Variants in DNAI1 observed in about 807,000 individuals in gnomAD.
DNAI1 encodes the protein dynein, axonemal, intermediate polypeptide 1.
In DNAI1, 67 loss-of-function variants were observed where a neutral mutation model predicts 92.0. The observed-to-expected ratio is 0.73, with a 90% CI of 0.60 to 0.89. The LOEUF is 0.89. DNAI1 is among the 40% of genes least tolerant of loss of function. The pLI, the probability that DNAI1 is intolerant of heterozygous loss-of-function variation, is 0.00. For synonymous variants in DNAI1, 323 were observed against 319.6 expected (o/e 1.01, Z -0.11); for missense variants, 839 against 866.6 (o/e 0.97, Z 0.40).
chr9:34,481,032 G>A (rs1223811054), intron 1 of DNAI1, among the ~76,000 whole-genome samples: 1 of 152,170 alleles, frequency 6.6e-6, no homozygotes, highest in African/African-American at 2.4e-5. Context: ...ACTGAGGTCA[G>A]GAGTTCAATA....
chr9:34,471,341 C>T (rs565493076), intron 1 of DNAI1, among the ~76,000 whole-genome samples: 2 of 151,508 alleles, frequency 1.3e-5, no homozygotes, highest in Non-Finnish European at 2.9e-5. Context: ...GGGAGGGTCG[C>T]TTAAGCCCAT....
At chr9:34,520,583 C>T in intron 19 of DNAI1, 75 bp from the exon 20 acceptor site, 2 of 1,356,460 alleles carry the variant, frequency 1.5e-6, no homozygotes, top group East Asian at 2.5e-5. Flanking sequence ...ACAGGCTGGG[C>T]AGAGGAGGTG....
In DNAI1 at chr9:34,517,979, C is replaced by G. The variant is rs1380780433; in HGVS notation, c.2001+512C>G. Among the ~76,000 whole-genome samples, 4 of 152,342 alleles carry G rather than the reference C, an allele frequency of 2.6e-5. No homozygotes were observed. The South Asian group carries it at 8.3e-4, about 32-fold the overall frequency. On this transcript the variant is annotated intron_variant, in intron 19 of 19. Coordinates refer to ENST00000242317, the MANE Select transcript of DNAI1 (RefSeq NM_012144.4). ...TCCTTCTGAGCTCTGGTTCCTGTTT[C>G]TAGGGTCTCCAATGATCAGGAGACC...
At chr9:34,517,219 T>C in intron 18 of DNAI1, 66 bp from the exon 19 acceptor site, 2 of 1,556,644 alleles carry the variant, frequency 1.3e-6, no homozygotes, top group Non-Finnish European at 1.8e-6. Context: ...GTCCAGGGAC[T>C]CATTCCTCTG....
At position 34,485,258 on chromosome 9, in the gene DNAI1, T is replaced by G. The variant is rs1219083866; in HGVS notation, c.180+18T>G. On this transcript the variant is annotated intron_variant, in intron 3 of 19. Transcript: ENST00000242317. ...CCGATGCGGTGAGTGAGTAGCCTCT[T>G]GTTCTTGCTCCTTGTACCTCTTCCA... 2.5e-6 allele frequency: 4 copies of G among 1,614,000 alleles called. No individual in the cohort carries two copies. The highest frequency in any genetic ancestry group is 1.3e-5 in the African/African-American group (1 of 75,042).
At chr9:34,514,226 C>A (rs1263742754) in intron 16 of DNAI1, among the ~76,000 whole-genome samples, 168 bp from the exon 17 acceptor site, 1 of 152,178 alleles carries the variant, frequency 6.6e-6, no homozygotes, top group African/African-American at 2.4e-5. Flanking sequence ...TCCTTTCCCC[C>A]AGGGTGTGCT....
chr9:34,466,069 C>G (rs981183396), intron 1 of DNAI1, among the ~76,000 whole-genome samples: 1 of 152,148 alleles, frequency 6.6e-6, no homozygotes, highest in Non-Finnish European at 1.5e-5. Flanking sequence ...ATCCGAGGAC[C>G]TGGCACATAG....
intron 1 of DNAI1, among the ~76,000 whole-genome samples, chr9:34,482,625 G>C (rs1387711244): frequency 2.6e-5 from 4 of 152,150 alleles, no homozygotes; most frequent in Non-Finnish European, 5.9e-5. Context: ...GGTGCTGATT[G>C]GTGTATTTAC....
In DNAI1 at chr9:34,513,121, C is replaced by T. The variant is rs1392871860; in HGVS notation, c.1499C>T (p.Thr500Ile). The T allele has an allele frequency of 1.2e-6, 2 of 1,614,096 alleles. No individual in the cohort carries two copies. ...GLQLHPVGCGTAFDFHKEIDY... is the reference protein window; with the variant it reads ...GLQLHPVGCGIAFDFHKEIDY... ...TCCCTCTTTTCCCAAGGTTGTGGCACTGCCTTTGACTTCCACAAAGAGATT... is the reference window on the plus strand; with the variant it reads ...TCCCTCTTTTCCCAAGGTTGTGGCATTGCCTTTGACTTCCACAAAGAGATT... Residue 500 changes from threonine (T) to isoleucine (I), a missense_variant, in exon 16 of 20, where the codon ACT becomes ATT. Coordinates refer to ENST00000242317, the MANE Select transcript of DNAI1 (RefSeq NM_012144.4).
chr9:34,481,930 G>C (rs1016640214), intron 1 of DNAI1, among the ~76,000 whole-genome samples: 2 of 152,156 alleles, frequency 1.3e-5, no homozygotes, highest in African/African-American at 2.4e-5. Flanking sequence ...ATGCTGGCTC[G>C]GGCAGCCTGC....
intron 1 of DNAI1, among the ~76,000 whole-genome samples, chr9:34,466,778 C>A (rs181536265): frequency 4.5e-4 from 68 of 152,328 alleles, no homozygotes; most frequent in Admixed American, 1.5e-3. Context: ...CTCTTAACAA[C>A]TATGTTTCAT....
chr9:34,461,033 G>T (rs1823942969), intron 1 of DNAI1, among the ~76,000 whole-genome samples: 1 of 152,160 alleles, frequency 6.6e-6, no homozygotes, highest in African/African-American at 2.4e-5. Context: ...GGTAGAGACA[G>T]GGTTTCACTG....
chr9:34,463,631 C>T (rs777937788), intron 1 of DNAI1, among the ~76,000 whole-genome samples: 9 of 152,012 alleles, frequency 5.9e-5, no homozygotes, highest in Admixed American at 2.0e-4. Flanking sequence ...TAGTTTATGA[C>T]TAACAAATTT....
chr9:34,520,742 A>G lies in DNAI1; in HGVS notation c.2086A>G (p.Lys696Glu). 6.4e-7 allele frequency: 1 copy of G among 1,551,660 alleles called. No individual in the cohort carries two copies. Among genetic ancestry groups the G allele is most frequent in the Non-Finnish European group, 8.7e-7 (1 of 1,146,958 alleles). ...ACTGCTGAACCTGGTGAGGGAAGTG[A>G]AAATCAAGACCTGAGGGGCTGGCCT... is the stretch of plus-strand genomic sequence containing the variant. ...DKLLNLVREV[K>E]IKT The change falls in exon 20 of 20, where the codon AAA becomes GAA. Residue 696 changes from lysine (K) to glutamate (E), a missense_variant. Lys to Glu is a moderately conservative substitution (Grantham distance 56, BLOSUM62 1). Coordinates refer to ENST00000242317, the MANE Select transcript of DNAI1 (RefSeq NM_012144.4).
intron 18 of DNAI1, among the ~76,000 whole-genome samples, chr9:34,516,683 G>T (rs1825175360): frequency 6.6e-6 from 1 of 152,010 alleles, no homozygotes. Flanking sequence ...TGATGTGCTT[G>T]CCCAGAGTCT....
intron 1 of DNAI1, among the ~76,000 whole-genome samples, chr9:34,467,850 A>G (rs1016113126): frequency 2.6e-5 from 4 of 152,162 alleles, no homozygotes; most frequent in African/African-American, 4.8e-5. Flanking sequence ...AAAACACTCA[A>G]CGTGAGTCAC....
intron 1 of DNAI1, among the ~76,000 whole-genome samples, chr9:34,472,430 A>G (rs965714303): frequency 4.6e-5 from 7 of 152,284 alleles, no homozygotes; most frequent in African/African-American, 1.7e-4. Context: ...GAAGGGTCCT[A>G]TATAATTGGC....
intron 13 of DNAI1, among the ~76,000 whole-genome samples, chr9:34,509,801 T>C (rs1402398390): frequency 1.3e-5 from 2 of 151,558 alleles, no homozygotes; most frequent in Non-Finnish European, 2.9e-5. Context: ...TTTGAGGTGC[T>C]TAGTAGGCCA....
At chr9:34,474,162 T>TA (rs1456103507) in intron 1 of DNAI1, among the ~76,000 whole-genome samples, 2 of 152,212 alleles carry the variant, frequency 1.3e-5, no homozygotes, top group African/African-American at 4.8e-5. Context: ...TTTTCCATTT[T>TA]AAAAAATCAC....
Sources: gnomAD v4.1 joint callset for allele counts (sites outside exome capture counted in the v4.1 genomes callset) on GRCh38, gnomAD v4.1.1 for gene constraint, MANE v1.5 for transcripts, NCBI Gene and HGNC (gene_info 2026-07-23, HGNC 2026-07-21) for gene names.